CD46: variants seen among roughly 807,000 people sequenced by gnomAD.
CD46 encodes CD46 molecule.
A neutral mutation model predicts 53.3 loss-of-function variants in CD46; 30 were observed. That is an observed-to-expected ratio of 0.56 (90% CI 0.42 to 0.76). The LOEUF is 0.76. Ranked by LOEUF, CD46 falls within the 30% of genes least tolerant of loss-of-function variation. The probability of loss-of-function intolerance (pLI) is 0.00; values close to 1 mark genes in which losing one functional copy is unlikely to be tolerated. For missense variants in CD46, 409 were observed against 463.0 expected (o/e 0.88, Z 1.07); for synonymous variants, 142 against 152.0 (o/e 0.93, Z 0.48).
chr1:207,783,378 C>A, intron 9 of CD46, 48 bp downstream of exon 9: 1 of 1,169,222 alleles, frequency 8.6e-7, no homozygotes, highest in Non-Finnish European at 1.3e-6. Flanking sequence ...TGTGTAGAAA[C>A]GTGTAGGTAA....
intron 12 of CD46, among the ~76,000 whole-genome samples, chr1:207,792,269 ACT>A (rs1443582266): frequency 1.3e-5 from 2 of 152,054 alleles, no homozygotes; most frequent in African/African-American, 4.8e-5. Context: ...ACAGAGCAAG[ACT>A]CTGTCTCAAA....
In CD46 at chr1:207,761,347, G is replaced by T. The variant is rs368371683; in HGVS notation, c.574G>T (p.Asp192Tyr). The change falls in exon 5 of 13, where the codon GAT becomes TAT. Residue 192 changes from aspartate to tyrosine, a missense_variant. Coordinates refer to ENST00000367042, the MANE Select transcript of CD46 (RefSeq NM_172351.3). Reference protein sequence around the residue: ...EYLDAVTYSCDPAPGPDPFSL... With the variant: ...EYLDAVTYSCYPAPGPDPFSL... ...TCTTGATGCAGTAACTTATAGTTGT[G>T]ATCCTGCACCTGGACCAGATCCATT... 8 of 1,613,400 alleles carry T rather than the reference G, an allele frequency of 5.0e-6. No homozygotes were observed. The South Asian group carries it at 8.8e-5, about 18-fold the overall frequency.
chr1:207,757,610 T>C lies in CD46; in HGVS notation c.357T>C (p.Phe119=). 1 of 1,610,768 alleles carries C rather than the reference T, an allele frequency of 6.2e-7. No homozygotes were observed. The highest frequency in any genetic ancestry group is 1.3e-5 in the African/African-American group (1 of 74,986). Residue 119 remains phenylalanine, a synonymous_variant, in exon 3 of 13, where the codon TTT becomes TTC. Transcript: ENST00000367042. ...TCCCTGCAAATGGGACTTACGAGTT[T>C]GGTTATCAGATGCACTTTATTTGTA... ...QAVPANGTYE[F]GYQMHFICNE...
rs1655077306 is a variant in CD46 at position 207,752,851 on chromosome 1, G to A, written c.97+542G>A. Among the ~76,000 whole-genome samples, 5 of 152,170 alleles carry A rather than the reference G, an allele frequency of 3.3e-5. No individual in the cohort carries two copies. In the South Asian group the frequency reaches 1.0e-3, roughly 32 times the overall value. On this transcript the variant is annotated intron_variant, in intron 1 of 12. Transcript: ENST00000367042. The surrounding 1 kb of genome is among the most constrained non-coding windows in gnomAD (Gnocchi z 4.1). Reference sequence around the variant, plus strand: ...AGGTGTTGCTGGGAGCGTGCTGTGCGTAAGTGGCCTGTGTGCAGAGTTCAC... The same window carrying A: ...AGGTGTTGCTGGGAGCGTGCTGTGCATAAGTGGCCTGTGTGCAGAGTTCAC...
chr1:207,761,231 T>C lies in CD46; in HGVS notation c.476-18T>C. On this transcript the variant is annotated intron_variant, in intron 4 of 12. Transcript: ENST00000367042. ...TTAATCTTTTACATTTCCTTTCCTC[T>C]TTTTCTTCATTTTTAAGAGGTTTTG... The C allele has an allele frequency of 2.0e-6, 3 of 1,526,514 alleles. No homozygotes were observed. Among genetic ancestry groups the C allele is most frequent in the Non-Finnish European group, 2.7e-6 (3 of 1,103,512 alleles). The allele number at this position is 1,526,514 out of a possible 1,614,324, so 94.6% of individuals were successfully genotyped here.
In CD46 at chr1:207,758,461, A is replaced by G. The variant is rs41317067; in HGVS notation, c.389+819A>G. Reference sequence around the variant, plus strand: ...CAAGGGAGGGGGTTCTCGCTTTATAACAACGTGCTCTTATGGTAATGAATC... The same window carrying G: ...CAAGGGAGGGGGTTCTCGCTTTATAGCAACGTGCTCTTATGGTAATGAATC... On this transcript the variant is annotated intron_variant, in intron 3 of 12. Coordinates refer to ENST00000367042, the MANE Select transcript of CD46 (RefSeq NM_172351.3). 9.7e-3 allele frequency among the ~76,000 whole-genome samples: 1,472 copies of G among 152,302 alleles called. 13 individuals carry two copies. Among genetic ancestry groups the G allele is most frequent in the Middle Eastern group, 0.024 (7 of 294 alleles).
chr1:207,776,143 G>A (rs1658076159), intron 8 of CD46, among the ~76,000 whole-genome samples: 1 of 152,262 alleles, frequency 6.6e-6, no homozygotes, highest in African/African-American at 2.4e-5. Flanking sequence ...TGCGCTAGCA[G>A]TGAGCAAGGT....
chr1:207,788,825 G>C (rs1177364383), intron 11 of CD46, among the ~76,000 whole-genome samples: 2 of 152,206 alleles, frequency 1.3e-5, no homozygotes, highest in Non-Finnish European at 2.9e-5. Flanking sequence ...ATAGTGTAAG[G>C]AGTCATTTTA....
Position 207,793,770 on chromosome 1 carries a change from G to C in CD46, c.*293G>C, listed in dbSNP as rs1263801053. The C allele has an allele frequency of 1.5e-6, 1 of 673,124 alleles. No homozygotes were observed. Among genetic ancestry groups the C allele is most frequent in the Non-Finnish European group, 2.7e-6 (1 of 363,898 alleles). 41.7% of individuals were successfully genotyped at this position (673,124 alleles called of 1,614,324 possible). On this transcript the variant is annotated 3_prime_UTR_variant, in exon 13 of 13. Coordinates refer to ENST00000367042, the MANE Select transcript of CD46 (RefSeq NM_172351.3). The stretch of plus-strand genomic sequence containing the variant: ...TTGAAACTTGTATGAATTTGGGTAT[G>C]AACAGATTGCCTGCTTTCCCTTAAA...
intron 12 of CD46, among the ~76,000 whole-genome samples, chr1:207,792,292 TAAAGA>T (rs557959225): frequency 9.9e-5 from 15 of 151,402 alleles, no homozygotes; most frequent in Admixed American, 3.3e-4. Context: ...GGAAAAAAAA[TAAAGA>T]AAAGAAAAGA....
In CD46 at chr1:207,793,682, C is replaced by G; in HGVS notation, c.*205C>G. On this transcript the variant is annotated 3_prime_UTR_variant, in exon 13 of 13. Transcript: ENST00000367042. Reference sequence around the variant, plus strand: ...TTCTGTAGTTTCACTCTCATGAGTGCAACTGTGGCTTAGCTAATATTGCAA... The same window carrying G: ...TTCTGTAGTTTCACTCTCATGAGTGGAACTGTGGCTTAGCTAATATTGCAA... The G allele has an allele frequency of 9.6e-7, 1 of 1,038,822 alleles. No homozygotes were observed. Among genetic ancestry groups the G allele is most frequent in the Non-Finnish European group, 1.5e-6 (1 of 665,068 alleles). 64.4% of individuals were successfully genotyped at this position (1,038,822 alleles called of 1,614,324 possible). A position where few individuals can be genotyped will look rare whatever the true frequency, so the allele number is the denominator to read the frequency against.
intron 7 of CD46, chr1:207,769,025 C>T (rs981010877): frequency 4.6e-5 from 7 of 152,052 alleles, no homozygotes; most frequent in African/African-American, 7.3e-5. Context: ...TTTGGGAGGC[C>T]GAGGTGGGTG....
In CD46 at chr1:207,752,454, G is replaced by A. The variant is rs1048304288; in HGVS notation, c.97+145G>A. 1.6e-5 allele frequency: 13 copies of A among 807,270 alleles called. No homozygotes were observed. The highest frequency in any genetic ancestry group is 1.5e-4 in the South Asian group (11 of 73,102). 50.0% of individuals were successfully genotyped at this position (807,270 alleles called of 1,614,324 possible). A position where few individuals can be genotyped will look rare whatever the true frequency, so the allele number is the denominator to read the frequency against. On this transcript the variant is annotated intron_variant, in intron 1 of 12. Coordinates refer to ENST00000367042, the MANE Select transcript of CD46 (RefSeq NM_172351.3). The surrounding 1 kb of genome is among the most constrained non-coding windows in gnomAD (Gnocchi z 4.1). Reference sequence around the variant, plus strand: ...GGGGTGCAGTGCTCAGATCCCGGGGGTATGTGGCGGGGAATGCGGGGACCA... The same window carrying A: ...GGGGTGCAGTGCTCAGATCCCGGGGATATGTGGCGGGGAATGCGGGGACCA...
chr1:207,755,167 A>C (rs1655395329), intron 1 of CD46, among the ~76,000 whole-genome samples: 1 of 152,052 alleles, frequency 6.6e-6, no homozygotes. Context: ...AAAAAAAGAA[A>C]CAAAATAGGA....
chr1:207,781,737 G>A (rs929175420), intron 8 of CD46, among the ~76,000 whole-genome samples: 1 of 152,132 alleles, frequency 6.6e-6, no homozygotes, highest in Non-Finnish European at 1.5e-5. Context: ...GACCATATAT[G>A]CAGGGGTTTA....
At chr1:207,790,999 A>C (rs1659747818) in intron 12 of CD46, among the ~76,000 whole-genome samples, 1 of 152,214 alleles carries the variant, frequency 6.6e-6, no homozygotes, top group African/African-American at 2.4e-5. Context: ...CCCACCTCTT[A>C]TAATGTGAGG....
At chr1:207,755,128 AACACACACACAT>A (rs1038002347) in intron 1 of CD46, among the ~76,000 whole-genome samples, 3 of 151,984 alleles carry the variant, frequency 2.0e-5, no homozygotes, top group African/African-American at 7.3e-5. Flanking sequence ...AACAAAACAA[AACACACACACAT>A]ACACACACAA....
intron 1 of CD46, among the ~76,000 whole-genome samples, chr1:207,756,072 G>A (rs937895738): frequency 6.6e-6 from 1 of 152,162 alleles, no homozygotes; most frequent in Non-Finnish European, 1.5e-5. Context: ...CCCAGGGGGA[G>A]GCAGAAAATG....
chr1:207,790,113 G>A (rs1659663114), intron 11 of CD46, 140 bp from the exon 12 acceptor site: 1 of 667,584 alleles, frequency 1.5e-6, no homozygotes. Flanking sequence ...GTGAGAATGA[G>A]AAAGTCTTAA....
Sources: gnomAD v4.1 joint callset for allele counts (sites outside exome capture counted in the v4.1 genomes callset) on GRCh38, gnomAD v4.1.1 for gene constraint, Gnocchi (gnomAD v3.1) non-coding constraint, MANE v1.5 for transcripts, NCBI Gene and HGNC (gene_info 2026-07-23, HGNC 2026-07-21) for gene names.